Variants in ZBTB20 observed in about 807,000 individuals in gnomAD.
The protein encoded by ZBTB20 is zinc finger and BTB domain-containing protein 20.
Under a neutral mutation model 56.9 loss-of-function variants are expected in ZBTB20, and 9 were observed. That is an observed-to-expected ratio of 0.16 (90% CI 0.10 to 0.28). ZBTB20 has a LOEUF of 0.28. ZBTB20 is among the 10% of genes least tolerant of loss of function. The pLI, the probability that ZBTB20 is intolerant of heterozygous loss-of-function variation, is 1.00. For synonymous variants in ZBTB20, 417 were observed against 420.7 expected (o/e 0.99, Z 0.11); for missense variants, 655 against 1,003.0 (o/e 0.65, Z 4.69).
intron 6 of ZBTB20, among the ~76,000 whole-genome samples, chr3:114,503,664 A>G (rs1216625387): frequency 6.6e-6 from 1 of 152,166 alleles, no homozygotes; most frequent in Non-Finnish European, 1.5e-5. Flanking sequence ...AGCAAAGAGT[A>G]TAAAACTGTA....
intron 4 of ZBTB20, among the ~76,000 whole-genome samples, chr3:114,892,709 C>G (rs1349542516): frequency 1.3e-5 from 2 of 152,134 alleles, no homozygotes; most frequent in African/African-American, 4.8e-5. Context: ...GCTACAGCTG[C>G]TTCAAACTGA....
chr3:114,796,926 T>C (rs1196980090), intron 5 of ZBTB20, among the ~76,000 whole-genome samples: 1 of 151,902 alleles, frequency 6.6e-6, no homozygotes. Context: ...TGAAGTCATG[T>C]AACTCTGAGA....
At chr3:114,380,665 C>T in intron 9 of ZBTB20, 112 bp downstream of exon 9, 6 of 1,399,146 alleles carry the variant, frequency 4.3e-6, no homozygotes, top group Non-Finnish European at 5.6e-6. Context: ...GACCCTGTCC[C>T]AGAACTTTAG....
At chr3:114,565,221 GT>G (rs1326552924) in intron 6 of ZBTB20, among the ~76,000 whole-genome samples, 1 of 152,134 alleles carries the variant, frequency 6.6e-6, no homozygotes, top group Admixed American at 6.6e-5. Context: ...GAAACACGCA[GT>G]CTCTAATTAT....
chr3:114,996,301 G>A (rs1354391444), intron 2 of ZBTB20, among the ~76,000 whole-genome samples: 1 of 151,698 alleles, frequency 6.6e-6, no homozygotes, highest in Non-Finnish European at 1.5e-5. Flanking sequence ...GTGGCTTGCT[G>A]CACCCATCAA....
At chr3:114,703,657 T>TA (rs2063529803) in intron 5 of ZBTB20, among the ~76,000 whole-genome samples, 1 of 152,172 alleles carries the variant, frequency 6.6e-6, no homozygotes, top group Non-Finnish European at 1.5e-5. Context: ...TTTTGACTGG[T>TA]AAAAACAGAC....
chr3:114,977,482 T>C (rs1228723899), intron 2 of ZBTB20, among the ~76,000 whole-genome samples: 1 of 152,176 alleles, frequency 6.6e-6, no homozygotes, highest in Non-Finnish European at 1.5e-5. Context: ...AGTGTGATAT[T>C]GGCATTGGAA....
chr3:114,392,442 G>A (rs1478443813), intron 7 of ZBTB20, among the ~76,000 whole-genome samples: 4 of 152,076 alleles, frequency 2.6e-5, no homozygotes, highest in Non-Finnish European at 4.4e-5. Context: ...CAAATAAAAT[G>A]TTAAAAATAC....
intron 5 of ZBTB20, among the ~76,000 whole-genome samples, chr3:114,796,819 A>G (rs577590789): frequency 1.5e-3 from 233 of 152,102 alleles, no homozygotes; most frequent in African/African-American, 5.4e-3. Context: ...TTTCTAGTTG[A>G]AGATTTAAAT....
intron 6 of ZBTB20, among the ~76,000 whole-genome samples, chr3:114,593,331 T>C (rs1044638621): frequency 2.0e-5 from 3 of 151,854 alleles, no homozygotes; most frequent in African/African-American, 7.3e-5. Context: ...AATGACAATT[T>C]ATTGGCCCAA....
chr3:114,439,817 C>T (rs956101168), intron 7 of ZBTB20, among the ~76,000 whole-genome samples: 1 of 152,198 alleles, frequency 6.6e-6, no homozygotes, highest in African/African-American at 2.4e-5. Flanking sequence ...TTCACTCCTA[C>T]AGCCAGAATT....
chr3:114,413,388 G>T (rs916210083), intron 7 of ZBTB20, among the ~76,000 whole-genome samples: 1 of 152,074 alleles, frequency 6.6e-6, no homozygotes, highest in African/African-American at 2.4e-5. Context: ...ATTAAAGGTC[G>T]ATGACATAAA....
At chr3:114,494,488 A>G (rs1403306958) in intron 7 of ZBTB20, among the ~76,000 whole-genome samples, 1 of 152,136 alleles carries the variant, frequency 6.6e-6, no homozygotes. Context: ...TAGTTTCCAG[A>G]TGTTTTCTAA....
At chr3:114,369,345 T>C (rs1345234266) in intron 10 of ZBTB20, among the ~76,000 whole-genome samples, 3 of 152,134 alleles carry the variant, frequency 2.0e-5, no homozygotes, top group African/African-American at 7.2e-5. Flanking sequence ...GGAAACTCAT[T>C]TTTAGAATTG....
intron 6 of ZBTB20, among the ~76,000 whole-genome samples, chr3:114,669,084 C>T (rs1038736357): frequency 6.6e-6 from 1 of 152,088 alleles, no homozygotes; most frequent in Non-Finnish European, 1.5e-5. Flanking sequence ...CACCCCCTTC[C>T]CCACCAGGGG....
intron 2 of ZBTB20, among the ~76,000 whole-genome samples, chr3:115,004,813 T>C (rs2079399207): frequency 6.6e-6 from 1 of 151,772 alleles, no homozygotes; most frequent in Non-Finnish European, 1.5e-5. Context: ...GCAAGAGATA[T>C]TTGGCTATAA....
intron 7 of ZBTB20, among the ~76,000 whole-genome samples, chr3:114,391,173 G>A (rs1281737009): frequency 6.6e-6 from 1 of 152,034 alleles, no homozygotes; most frequent in African/African-American, 2.4e-5. Context: ...TTTACCTCTT[G>A]TCCATCCTTC....
Position 114,317,343 on chromosome 3 carries a change from A to AT in ZBTB20, c.*21661dup, listed in dbSNP as rs1251507592. On this transcript the variant is annotated 3_prime_UTR_variant, in exon 12 of 12. Coordinates refer to ENST00000675478, the MANE Select transcript of ZBTB20 (RefSeq NM_001348800.3). Reference sequence around the variant, plus strand: ...CCTTCAGCACCAGAGATCTTCAGGAATGCATCTTTTTTCTAAACACACCCA... The same window carrying AT: ...CCTTCAGCACCAGAGATCTTCAGGAATTGCATCTTTTTTCTAAACACACCCA... 6.6e-6 allele frequency: 1 copy of AT among 152,162 alleles called. No individual in the cohort carries two copies. The highest frequency in any genetic ancestry group is 1.5e-5 in the Non-Finnish European group (1 of 68,034). 9.4% of individuals were successfully genotyped at this position (152,162 alleles called of 1,614,324 possible). A position where few individuals can be genotyped will look rare whatever the true frequency, so the allele number is the denominator to read the frequency against.
In ZBTB20 at chr3:114,694,942, C is replaced by G. The variant is rs151042941; in HGVS notation, c.-342-1367G>C. Among the ~76,000 whole-genome samples, 20 of 152,158 alleles carry G rather than the reference C, an allele frequency of 1.3e-4. 2 individuals carry two copies. In the East Asian group the frequency reaches 2.9e-3, roughly 22 times the overall value. On this transcript the variant is annotated intron_variant, in intron 5 of 11. Coordinates refer to ENST00000675478, the MANE Select transcript of ZBTB20 (RefSeq NM_001348800.3). ...GTCTGAAGAGTTCTGTATCAGATTT[C>G]TTCTTACCCTTTATTACTTGTATGG...
Sources: allele counts gnomAD v4.1 joint callset (sites outside exome capture counted in the v4.1 genomes callset), GRCh38; gene constraint gnomAD v4.1.1; transcripts MANE v1.5; gene names NCBI Gene and HGNC (gene_info 2026-07-23, HGNC 2026-07-21).